HSPG2: variants seen among roughly 807,000 people sequenced by gnomAD.
The protein encoded by HSPG2 is basement membrane-specific heparan sulfate proteoglycan core protein.
Under a neutral mutation model 526.6 loss-of-function variants are expected in HSPG2, and 278 were observed. The observed-to-expected ratio is 0.53, with a 90% CI of 0.48 to 0.58. The LOEUF (loss-of-function observed/expected upper bound fraction) is 0.58. Ranked by LOEUF, HSPG2 falls within the 20% of genes least tolerant of loss-of-function variation. The probability of loss-of-function intolerance (pLI) is 0.00; values close to 1 mark genes in which losing one functional copy is unlikely to be tolerated. For missense variants in HSPG2, 5,354 were observed against 6,099.5 expected (o/e 0.88, Z 4.07); for synonymous variants, 2,465 against 2,555.4 (o/e 0.96, Z 1.07).
At position 21,875,655 on chromosome 1, in the gene HSPG2, G is replaced by T. The variant is rs763394444; in HGVS notation, c.3276C>A (p.Ser1092=). ...AGIDTLLIRA[S]YAQQPAESRV... is the part of the protein sequence containing the mutation. ...TGCTCTCAGCGGGCTGCTGGGCGTA[G>T]GATGCTCGGATCAGGAGGGTGTCGA... is the stretch of plus-strand genomic sequence containing the variant. Residue 1092 remains serine (S), a synonymous_variant, in exon 25 of 97, where the codon TCC becomes TCA. Transcript: ENST00000374695. 76 of 1,602,606 alleles carry T rather than the reference G, an allele frequency of 4.7e-5. 3 individuals are homozygous for T. The South Asian group carries it at 7.7e-4, about 16-fold the overall frequency.
rs766952546 is a variant in HSPG2 at position 21,876,555 on chromosome 1, C to T, written c.2783G>A (p.Gly928Asp). The change falls in exon 22 of 97, where the codon GGT becomes GAT. Residue 928 changes from glycine to aspartate, a missense_variant. Coordinates refer to ENST00000374695, the MANE Select transcript of HSPG2 (RefSeq NM_005529.7). ...AGAGCTGGTGCAGTGGCGACTGACACCCATGCAGAAGCACTTGAGGCAGCC... is the reference window on the plus strand; with the variant it reads ...AGAGCTGGTGCAGTGGCGACTGACATCCATGCAGAAGCACTTGAGGCAGCC... ...PDGCLKCFCM[G>D]VSRHCTSSSW... 1 of 1,614,224 alleles carries T rather than the reference C, an allele frequency of 6.2e-7. No homozygotes were observed. The highest frequency in any genetic ancestry group is 1.1e-5 in the South Asian group (1 of 91,080).
At position 21,854,232 on chromosome 1, in the gene HSPG2, C is replaced by T. The variant is rs781162954; in HGVS notation, c.6400G>A (p.Val2134Met). The T allele has an allele frequency of 1.1e-5, 17 of 1,596,914 alleles. No homozygotes were observed. Among genetic ancestry groups the T allele is most frequent in the Non-Finnish European group, 1.1e-5 (13 of 1,171,540 alleles). Reference protein sequence around the residue: ...GPKEASITVSVLHGTHSGPSY... With the variant: ...GPKEASITVSMLHGTHSGPSY... ...GGGCCAGAATGGGTGCCGTGGAGCA[C>T]AGACACAGTAATGGAGGCCTCCTTG... is the stretch of plus-strand genomic sequence containing the variant. Residue 2134 changes from valine to methionine, a missense_variant, in exon 50 of 97, where the codon GTG becomes ATG. Transcript: ENST00000374695.
At chr1:21,833,413 C>G (rs1417300498) in intron 79 of HSPG2, 29 bp from the exon 80 acceptor site, 1 of 1,614,174 alleles carries the variant, frequency 6.2e-7, no homozygotes, top group Admixed American at 1.7e-5. Context: ...GCTGAAGACC[C>G]TGCCAGTCAG....
At chr1:21,825,295 T>C in intron 91 of HSPG2, 1 of 181,852 alleles carries the variant, frequency 5.5e-6, no homozygotes, top group Non-Finnish European at 1.2e-5. Context: ...TATTTTATTT[T>C]GTGTAGTCAA....
rs563329313 is a variant in HSPG2, at chr1:21,841,238, C to T, written c.9376G>A (p.Val3126Met). 17 of 1,613,934 alleles carry T rather than the reference C, an allele frequency of 1.1e-5. No homozygotes were observed. The highest frequency in any genetic ancestry group is 1.4e-5 in the Non-Finnish European group (17 of 1,180,052). ...VLPEGPVWVKVGKAVTLECVS... is the reference protein window; with the variant it reads ...VLPEGPVWVKMGKAVTLECVS... ...CACTCCAGGGTGACAGCCTTTCCCA[C>T]TTTCACCCACACGGGGCCCTCGGGG... Residue 3126 changes from valine to methionine, a missense_variant, in exon 71 of 97, where the codon GTG becomes ATG. Coordinates refer to ENST00000374695, the MANE Select transcript of HSPG2 (RefSeq NM_005529.7).
chr1:21,916,218 T>A (rs182676448), intron 1 of HSPG2, among the ~76,000 whole-genome samples: 19 of 145,418 alleles, frequency 1.3e-4, no homozygotes, highest in African/African-American at 4.6e-4. Flanking sequence ...TACAAAAAAT[T>A]TGGTTGGGTG....
Position 21,854,314 on chromosome 1 carries a change from C to T in HSPG2, c.6318G>A (p.Gln2106=). 6.4e-7 allele frequency: 1 copy of T among 1,572,408 alleles called. No homozygotes were observed. Among genetic ancestry groups the T allele is most frequent in the East Asian group, 2.3e-5 (1 of 43,354 alleles). The change falls in exon 50 of 97, where the codon CAG becomes CAA. Residue 2106 remains glutamine (Q), a synonymous_variant. Coordinates refer to ENST00000374695, the MANE Select transcript of HSPG2 (RefSeq NM_005529.7). The part of the protein sequence containing the change: ...QVHGSRLRLP[Q]VSPADSGEYV... Reference sequence around the variant, plus strand: ...ATTCTCCAGAATCAGCTGGTGAGACCTGGGGGAGCCGCAGACGGGAGCCGT... The same window carrying T: ...ATTCTCCAGAATCAGCTGGTGAGACTTGGGGGAGCCGCAGACGGGAGCCGT...
Position 21,934,183 on chromosome 1 carries a change from G to A in HSPG2, c.63+2972C>T, listed in dbSNP as rs143968136. On this transcript the variant is annotated intron_variant, in intron 1 of 96. Transcript: ENST00000374695. Reference sequence around the variant, plus strand: ...TTCCTGTGGTCCTGTCCCCCGTCCCGGGGAAGCCTGGAGCTCCCTAAGGCC... The same window carrying A: ...TTCCTGTGGTCCTGTCCCCCGTCCCAGGGAAGCCTGGAGCTCCCTAAGGCC... Among the ~76,000 whole-genome samples, 466 of 152,348 alleles carry A rather than the reference G, an allele frequency of 3.1e-3. 1 individual carries two copies. Among genetic ancestry groups the A allele is most frequent in the Non-Finnish European group, 4.3e-3 (294 of 68,034 alleles).
At chr1:21,935,007 A>G (rs1311045865) in intron 1 of HSPG2, among the ~76,000 whole-genome samples, 1 of 151,298 alleles carries the variant, frequency 6.6e-6, no homozygotes, top group African/African-American at 2.4e-5. Flanking sequence ...CCTGGGTTCA[A>G]GCGATTCTCC....
intron 37 of HSPG2, among the ~76,000 whole-genome samples, chr1:21,863,702 CAAA>C (rs35149912): frequency 3.3e-5 from 4 of 122,226 alleles, no homozygotes; most frequent in Non-Finnish European, 5.3e-5. Flanking sequence ...GACCCTGTCT[CAAA>C]AAAAAAAAAA....
intron 9 of HSPG2, among the ~76,000 whole-genome samples, 192 bp from the exon 10 acceptor site, chr1:21,885,643 T>A (rs1406994866): frequency 6.6e-6 from 1 of 152,032 alleles, no homozygotes; most frequent in Non-Finnish European, 1.5e-5. Context: ...ACTCATCACA[T>A]TACCCGGCCC....
rs1168152780 is a variant in HSPG2, at chr1:21,895,033, G to A, written c.244+889C>T. On this transcript the variant is annotated intron_variant, in intron 3 of 96. Coordinates refer to ENST00000374695, the MANE Select transcript of HSPG2 (RefSeq NM_005529.7). This position sits in a 1 kb window ranked among gnomAD's most constrained non-coding sequence, Gnocchi z 4.1. ...CTACCCACTGGCATTTGAAGGCCCC[G>A]GATATGTCAGCTAAAGGGAGGTGAC... Among the ~76,000 whole-genome samples the A allele has an allele frequency of 3.9e-5, 6 of 152,228 alleles. No individual in the cohort carries two copies. Among genetic ancestry groups the A allele is most frequent in the Admixed American group, 1.3e-4 (2 of 15,288 alleles).
At chr1:21,873,139 C>A (rs950172184) in intron 30 of HSPG2, 48 bp from the exon 31 acceptor site, 2 of 1,467,336 alleles carry the variant, frequency 1.4e-6, no homozygotes, top group Non-Finnish European at 9.4e-7. Flanking sequence ...CGCCACCCAG[C>A]ACCCCTCTTC....
At position 21,865,926 on chromosome 1, in the gene HSPG2, C is replaced by A. The variant is rs1328334948; in HGVS notation, c.4222-117G>T. The stretch of plus-strand genomic sequence containing the variant: ...TTGCACCTGTGCCACACTCCCCCAC[C>A]CCCCTCCCTGCCCAAACCAAGAGGC... On this transcript the variant is annotated intron_variant, in intron 33 of 96. Transcript: ENST00000374695. This position sits in a 1 kb window ranked among gnomAD's most constrained non-coding sequence, Gnocchi z 5.4. 2 of 750,522 alleles carry A rather than the reference C, an allele frequency of 2.7e-6. No homozygotes were observed. Among genetic ancestry groups the A allele is most frequent in the Non-Finnish European group, 4.7e-6 (2 of 429,270 alleles). The allele number at this position is 750,522 out of a possible 1,614,324, so 46.5% of individuals were successfully genotyped here.
At chr1:21,884,196 T>C (rs768034023) in intron 13 of HSPG2, among the ~76,000 whole-genome samples, 1 of 152,098 alleles carries the variant, frequency 6.6e-6, no homozygotes, top group Non-Finnish European at 1.5e-5. Context: ...CCCCCGACTT[T>C]ACAGATGACG....
intron 84 of HSPG2, 27 bp from the exon 85 acceptor site, chr1:21,831,117 C>G (rs1233113705): frequency 6.2e-7 from 1 of 1,608,700 alleles, no homozygotes; most frequent in Non-Finnish European, 8.5e-7. Context: ...AGAAGTAAGG[C>G]CGAGAACATT....
rs555311204 is a variant in HSPG2 at position 21,830,793 on chromosome 1, G to A, written c.11671+189C>T. 3 of 599,936 alleles carry A rather than the reference G, an allele frequency of 5.0e-6. No homozygotes were observed. The South Asian group carries it at 5.8e-5, about 12-fold the overall frequency. The allele number at this position is 599,936 out of a possible 1,614,324, so 37.2% of individuals were successfully genotyped here. A position where few individuals can be genotyped will look rare whatever the true frequency, so the allele number is the denominator to read the frequency against. On this transcript the variant is annotated intron_variant, in intron 85 of 96. Transcript: ENST00000374695. Reference sequence around the variant, plus strand: ...CAGCAGGGCTGGAGGAGGGGAAGCAGCAGTGATGGGGTGAGGGCCTTCGGG... The same window carrying A: ...CAGCAGGGCTGGAGGAGGGGAAGCAACAGTGATGGGGTGAGGGCCTTCGGG...
chr1:21,843,999 A>C, intron 65 of HSPG2, 149 bp downstream of exon 65: 2 of 1,059,756 alleles, frequency 1.9e-6, no homozygotes, highest in Non-Finnish European at 2.8e-6. Context: ...TGCTGTGCCC[A>C]GCCCGCTCTC....
rs894445771 is a variant in HSPG2 at position 21,859,141 on chromosome 1, G to A, written c.5293+425C>T. On this transcript the variant is annotated intron_variant, in intron 42 of 96. Coordinates refer to ENST00000374695, the MANE Select transcript of HSPG2 (RefSeq NM_005529.7). The surrounding 1 kb of genome is among the most constrained non-coding windows in gnomAD (Gnocchi z 5.3). ...TGGCTCACTGCAACCTCCACCTCCCGGGTTCAAGCAATTCTCCTGCCTCAG... is the reference window on the plus strand; with the variant it reads ...TGGCTCACTGCAACCTCCACCTCCCAGGTTCAAGCAATTCTCCTGCCTCAG... Among the ~76,000 whole-genome samples the A allele has an allele frequency of 6.6e-5, 10 of 152,020 alleles. No individual in the cohort carries two copies. Among genetic ancestry groups the A allele is most frequent in the Admixed American group, 4.6e-4 (7 of 15,248 alleles).
Sources: gnomAD v4.1 joint callset for allele counts (sites outside exome capture counted in the v4.1 genomes callset) on GRCh38, gnomAD v4.1.1 for gene constraint, Gnocchi (gnomAD v3.1) non-coding constraint, MANE v1.5 for transcripts, NCBI Gene and HGNC (gene_info 2026-07-23, HGNC 2026-07-21) for gene names.